Variants in RCCD1 observed in about 807,000 individuals in gnomAD.
RCCD1 encodes RCC1 domain-containing protein 1.
RCCD1 carries 40 observed loss-of-function variants against 37.6 expected under a neutral mutation model. That is an observed-to-expected ratio of 1.06 (90% CI 0.83 to 1.39). RCCD1 has a LOEUF of 1.39. Ranked by LOEUF, RCCD1 falls within the 40% of genes most tolerant of loss-of-function variation. The pLI is 0.00. For missense variants in RCCD1, 577 were observed against 517.3 expected, an observed-to-expected ratio of 1.12 and a Z score of -1.12; for synonymous variants, 263 against 230.0, an observed-to-expected ratio of 1.14 and a Z score of -1.30.
chr15:90,960,067 A>T (rs960666490), intron 5 of RCCD1, 69 bp downstream of exon 5: 132 of 1,309,038 alleles, frequency 1.0e-4, no homozygotes, highest in Non-Finnish European at 1.3e-4. Flanking sequence ...TCCTGGCTGT[A>T]TGCTGGCCTC....
rs1484231094 is a variant in RCCD1 at position 90,956,812 on chromosome 15, G to A, written c.78G>A (p.Gly26=). The change falls in exon 2 of 8, where the codon GGG becomes GGA. Residue 26 remains glycine (G), a synonymous_variant. Transcript: ENST00000394258. ...GGCAGGAGCTGGGCTCCGGACGCGG[G>A]CGCCAGGTGCACAGCCCCAGTCCGC... ...GFGQELGSGR[G]RQVHSPSPLR... 7.6e-7 allele frequency: 1 copy of A among 1,308,374 alleles called. No homozygotes were observed. Among genetic ancestry groups the A allele is most frequent in the African/African-American group, 1.5e-5 (1 of 66,240 alleles). The allele number at this position is 1,308,374 out of a possible 1,614,324, so 81.0% of individuals were successfully genotyped here.
chr15:90,960,868 G>A (rs2037300993), intron 6 of RCCD1, 157 bp from the exon 7 acceptor site: 6 of 768,428 alleles, frequency 7.8e-6, no homozygotes, highest in Admixed American at 2.0e-5. Flanking sequence ...GCCATGCCAC[G>A]TGTGATCAGC....
intron 4 of RCCD1, among the ~76,000 whole-genome samples, chr15:90,958,880 G>A (rs2037256814): frequency 6.7e-6 from 1 of 149,288 alleles, no homozygotes; most frequent in Non-Finnish European, 1.5e-5. Context: ...GTTGCAGTGA[G>A]CCAAGATCAC....
At chr15:90,957,792 G>T in intron 4 of RCCD1, 67 bp downstream of exon 4, 2 of 1,537,150 alleles carry the variant, frequency 1.3e-6, no homozygotes, top group Non-Finnish European at 1.8e-6. Context: ...TCGTTTTCCA[G>T]TTTGGGTGGG....
chr15:90,960,554 G>C (rs1450823252), intron 6 of RCCD1, 56 bp downstream of exon 6: 8 of 1,536,078 alleles, frequency 5.2e-6, no homozygotes, highest in Admixed American at 3.8e-5. Flanking sequence ...ACGGAAGGGG[G>C]TGTGGTCGAC....
intron 6 of RCCD1, 164 bp from the exon 7 acceptor site, chr15:90,960,861 A>G (rs918351929): frequency 1.3e-6 from 1 of 748,550 alleles, no homozygotes; most frequent in Admixed American, 2.0e-5. Flanking sequence ...ATCCTCTGCC[A>G]TGCCACGTGT....
Position 90,957,766 on chromosome 15 carries a change from G to A in RCCD1, c.679+41G>A, listed in dbSNP as rs1433796055. The A allele has an allele frequency of 3.9e-6, 6 of 1,553,224 alleles. No homozygotes were observed. The African/African-American group carries it at 5.5e-5, about 14-fold the overall frequency. On this transcript the variant is annotated intron_variant, in intron 4 of 7. Coordinates refer to ENST00000394258, the MANE Select transcript of RCCD1 (RefSeq NM_001017919.2). ...CTTCTCCAGACGAGCTCATGATCTT[G>A]TGCAAACCTTCCTCCTCGTTTTCCA...
At chr15:90,961,115 A>G (rs755260860) in intron 7 of RCCD1, 61 bp downstream of exon 7, 93 of 1,532,200 alleles carry the variant, frequency 6.1e-5, no homozygotes, top group Non-Finnish European at 8.2e-5. Context: ...CTGGGAGTAC[A>G]GGGCAGGTGA....
Position 90,961,867 on chromosome 15 carries a change from C to G in RCCD1, c.*98C>G. ...CCAAGGGCCCCATATTTGCCCCTCC[C>G]CATCACAGTCCTGCCCTTCACCCTC... On this transcript the variant is annotated 3_prime_UTR_variant, in exon 8 of 8. Transcript: ENST00000394258. The G allele has an allele frequency of 8.2e-7, 1 of 1,213,642 alleles. No individual in the cohort carries two copies. Among genetic ancestry groups the G allele is most frequent in the Non-Finnish European group, 1.2e-6 (1 of 856,146 alleles). The allele number at this position is 1,213,642 out of a possible 1,614,324, so 75.2% of individuals were successfully genotyped here.
Position 90,961,726 on chromosome 15 carries a change from C to T in RCCD1, c.1088C>T (p.Pro363Leu), listed in dbSNP as rs369759954. The T allele has an allele frequency of 1.4e-5, 23 of 1,613,968 alleles. No homozygotes were observed. The highest frequency in any genetic ancestry group is 8.9e-5 in the East Asian group (4 of 44,898). The change falls in exon 8 of 8, where the codon CCG (proline) becomes CTG (leucine). Residue 363 changes from proline to leucine, a missense_variant. By Grantham distance (98) the Pro-to-Leu change is moderately conservative. Transcript: ENST00000394258. ...QLQVKAVTCGPWNTYVYAVEK... is the reference protein window; with the variant it reads ...QLQVKAVTCGLWNTYVYAVEK... ...CAAGTAAAGGCTGTCACCTGTGGGC[C>T]GTGGAACACCTACGTGTATGCTGTG...
In RCCD1 at chr15:90,961,681, AC is replaced by A; in HGVS notation, c.1044del (p.Phe349LeufsTer2). ...TSLDRPRRVE[Y>X]FVDKQLQVKA... ...TTGGATCGGCCTCGCCGTGTGGAAT[AC>A]TTTGTAGATAAGCAACTCCAAGTAA... is the stretch of plus-strand genomic sequence containing the variant. On this transcript the variant is annotated frameshift_variant, in exon 8 of 8. Transcript: ENST00000394258. LOFTEE classifies it high-confidence loss of function. 1.2e-6 allele frequency: 2 copies of A among 1,614,168 alleles called. No homozygotes were observed. The highest frequency in any genetic ancestry group is 1.7e-6 in the Non-Finnish European group (2 of 1,180,020).
In RCCD1 at chr15:90,957,479, A is replaced by C. The variant is rs2037224203; in HGVS notation, c.533A>C (p.Gln178Pro). Residue 178 changes from glutamine (Q) to proline (P), a missense_variant, in exon 3 of 8, where the codon CAG becomes CCG. Coordinates refer to ENST00000394258, the MANE Select transcript of RCCD1 (RefSeq NM_001017919.2). ...GCGTTGCTGCTGGACGCTGCTGGCC[A>C]GGTGTTCTCCTGGGGCGGGGGCAGG... ...EHALLLDAAGQVFSWGGGRHG... is the reference protein window; with the variant it reads ...EHALLLDAAGPVFSWGGGRHG... 1 of 1,549,804 alleles carries C rather than the reference A, an allele frequency of 6.5e-7. No individual in the cohort carries two copies. Among genetic ancestry groups the C allele is most frequent in the Admixed American group, 1.9e-5 (1 of 51,986 alleles).
chr15:90,957,817 T>C, intron 4 of RCCD1, 92 bp downstream of exon 4: 6 of 1,458,988 alleles, frequency 4.1e-6, no homozygotes, highest in African/African-American at 1.4e-5. Context: ...TACCCAGGCC[T>C]CCTTCCAAAT....
intron 7 of RCCD1, 200 bp from the exon 8 acceptor site, chr15:90,961,418 G>A: frequency 1.7e-6 from 1 of 597,292 alleles, no homozygotes; most frequent in Non-Finnish European, 2.9e-6. Context: ...GGGAAGTCTG[G>A]AGGAGCGTCT....
intron 7 of RCCD1, 33 bp from the exon 8 acceptor site, chr15:90,961,585 G>A (rs1315919747): frequency 2.9e-5 from 47 of 1,597,024 alleles, no homozygotes; most frequent in Non-Finnish European, 4.0e-5. Flanking sequence ...AGACCCAGTG[G>A]AGACGATGGC....
At chr15:90,959,306 T>C (rs1240249841) in intron 4 of RCCD1, among the ~76,000 whole-genome samples, 1 of 152,226 alleles carries the variant, frequency 6.6e-6, no homozygotes, top group Non-Finnish European at 1.5e-5. Context: ...AAGCAGCTAT[T>C]GTTAGAAATT....
chr15:90,961,547 G>C, intron 7 of RCCD1, 71 bp from the exon 8 acceptor site: 1 of 1,508,488 alleles, frequency 6.6e-7, no homozygotes. Context: ...GATAGTCTGG[G>C]CCCCTTCCTG....
At chr15:90,961,282 T>C in intron 7 of RCCD1, 1 of 597,328 alleles carries the variant, frequency 1.7e-6, no homozygotes, top group Non-Finnish European at 3.0e-6. Context: ...CGCCTACCTC[T>C]CTGAAAGACT....
At chr15:90,961,299 AG>A in intron 7 of RCCD1, 1 of 592,882 alleles carries the variant, frequency 1.7e-6, no homozygotes, top group Non-Finnish European at 3.0e-6. Flanking sequence ...GACTGTCTTA[AG>A]GGAGTATCCA....
Sources: allele counts gnomAD v4.1 joint callset (sites outside exome capture counted in the v4.1 genomes callset), GRCh38; gene constraint gnomAD v4.1.1; transcripts MANE v1.5; gene names NCBI Gene and HGNC (gene_info 2026-07-23, HGNC 2026-07-21).